NRXN1: variants seen among roughly 807,000 people sequenced by gnomAD.
The protein encoded by NRXN1 is neurexin 1.
Under a neutral mutation model 150.9 loss-of-function variants are expected in NRXN1, and 39 were observed. The observed-to-expected ratio is 0.26, with a 90% CI of 0.20 to 0.34. The LOEUF (loss-of-function observed/expected upper bound fraction) is 0.34. NRXN1 is among the 10% of genes least tolerant of loss of function. NRXN1 has a pLI of 1.00. For missense variants in NRXN1, 1,815 were observed against 1,949.9 expected, an observed-to-expected ratio of 0.93 and a Z score of 1.30; for synonymous variants, 924 against 757.0, an observed-to-expected ratio of 1.22 and a Z score of -3.62.
At chr2:50,896,090 C>A (rs556083777) in intron 5 of NRXN1, among the ~76,000 whole-genome samples, 1 of 152,210 alleles carries the variant, frequency 6.6e-6, no homozygotes, top group South Asian at 2.1e-4. Context: ...AACACAGGCA[C>A]AAGATAGTAG....
chr2:50,325,313 A>T (rs7564489), intron 17 of NRXN1, among the ~76,000 whole-genome samples: 34,508 of 152,152 alleles, frequency 0.23, 4,789 homozygotes, highest in East Asian at 0.49. Flanking sequence ...ATATAAAGCC[A>T]TTCCTATGGA....
chr2:50,270,883 T>A (rs1028315661), intron 17 of NRXN1, among the ~76,000 whole-genome samples: 1 of 152,058 alleles, frequency 6.6e-6, no homozygotes, highest in Non-Finnish European at 1.5e-5. Context: ...GGTGGCGAAC[T>A]CCTAACCTCA....
At chr2:50,476,652 T>A (rs2090013899) in intron 15 of NRXN1, among the ~76,000 whole-genome samples, 1 of 152,140 alleles carries the variant, frequency 6.6e-6, no homozygotes, top group Non-Finnish European at 1.5e-5. Context: ...GTATAGTTTA[T>A]CTCCTGTTTC....
Position 50,804,387 on chromosome 2 carries a change from C to T in NRXN1, c.832+117482G>A, listed in dbSNP as rs535076724. Among the ~76,000 whole-genome samples, 166 of 152,256 alleles carry T rather than the reference C, an allele frequency of 1.1e-3. 1 individual carries two copies. Among genetic ancestry groups the T allele is most frequent in the African/African-American group, 3.9e-3 (161 of 41,562 alleles). ...AAGCATTATCTTGCTTAATTTGCTT[C>T]ATAAAACTATGAAAAACATATTATT... On this transcript the variant is annotated intron_variant, in intron 5 of 22. Transcript: ENST00000401669.
intron 18 of NRXN1, among the ~76,000 whole-genome samples, chr2:50,124,805 A>G (rs1285221454): frequency 2.6e-5 from 4 of 152,140 alleles, no homozygotes; most frequent in African/African-American, 9.7e-5. Flanking sequence ...TGTTTAAAAT[A>G]TATCTTTTCT....
At chr2:50,505,128 C>T (rs187153264) in intron 13 of NRXN1, among the ~76,000 whole-genome samples, 108 of 152,166 alleles carry the variant, frequency 7.1e-4, no homozygotes, top group African/African-American at 2.6e-3. Flanking sequence ...TAATATCATG[C>T]ATTGTCTGAT....
intron 5 of NRXN1, among the ~76,000 whole-genome samples, chr2:50,861,116 G>A (rs1340137804): frequency 6.6e-6 from 1 of 152,064 alleles, no homozygotes; most frequent in Non-Finnish European, 1.5e-5. Flanking sequence ...CAAGTTAGAT[G>A]AGTCCCAAAG....
chr2:50,883,671 T>A (rs950125132), intron 5 of NRXN1, among the ~76,000 whole-genome samples: 5 of 151,820 alleles, frequency 3.3e-5, no homozygotes, highest in African/African-American at 1.2e-4. Flanking sequence ...TAAAAACATA[T>A]AAACATATTT....
intron 21 of NRXN1, among the ~76,000 whole-genome samples, chr2:50,024,568 A>C (rs1688004801): frequency 6.6e-6 from 1 of 152,072 alleles, no homozygotes; most frequent in East Asian, 1.9e-4. Flanking sequence ...TTGAGTGCAG[A>C]GAATCAGGTT....
intron 5 of NRXN1, among the ~76,000 whole-genome samples, chr2:50,744,745 T>C (rs563243277): frequency 3.3e-4 from 50 of 152,252 alleles, no homozygotes; most frequent in Non-Finnish European, 6.6e-4. Context: ...TGTATATTCA[T>C]AATAATAAGA....
chr2:50,005,690 T>A (rs933106715), intron 21 of NRXN1, among the ~76,000 whole-genome samples: 2 of 152,180 alleles, frequency 1.3e-5, no homozygotes, highest in Non-Finnish European at 2.9e-5. Flanking sequence ...ACCTCTTTTA[T>A]AGAGTTTTTA....
chr2:50,745,346 A>C (rs1201412197), intron 5 of NRXN1, among the ~76,000 whole-genome samples: 1 of 136,026 alleles, frequency 7.4e-6, no homozygotes, highest in Non-Finnish European at 1.6e-5. Flanking sequence ...TTTCCTCTAG[A>C]GGTATTACTG....
chr2:50,950,291 T>C (rs1308988890), intron 2 of NRXN1, among the ~76,000 whole-genome samples: 3 of 152,108 alleles, frequency 2.0e-5, no homozygotes, highest in Admixed American at 6.6e-5. Context: ...ACTTTGGAGA[T>C]TGCAATAAAA....
chr2:50,838,254 G>A (rs1041455123), intron 5 of NRXN1, among the ~76,000 whole-genome samples: 4 of 152,136 alleles, frequency 2.6e-5, no homozygotes, highest in African/African-American at 9.7e-5. Flanking sequence ...TGTAAGTCAT[G>A]AAAATCATTC....
At chr2:50,595,192 G>T (rs951837469) in intron 8 of NRXN1, among the ~76,000 whole-genome samples, 1 of 152,016 alleles carries the variant, frequency 6.6e-6, no homozygotes, top group Non-Finnish European at 1.5e-5. Context: ...AGTGTGCTGA[G>T]TATAAGACAC....
chr2:50,250,602 AGTTT>A (rs2066947387), intron 17 of NRXN1, among the ~76,000 whole-genome samples: 1 of 152,090 alleles, frequency 6.6e-6, no homozygotes, highest in South Asian at 2.1e-4. Flanking sequence ...CTAGTATCTT[AGTTT>A]ATTAAAAATT....
At chr2:50,644,895 A>G (rs916044102) in intron 5 of NRXN1, among the ~76,000 whole-genome samples, 2 of 146,114 alleles carry the variant, frequency 1.4e-5, no homozygotes, top group African/African-American at 5.5e-5. Flanking sequence ...TTTCTTTTTC[A>G]AATGCACAGC....
intron 5 of NRXN1, among the ~76,000 whole-genome samples, chr2:50,899,335 G>A (rs1682546231): frequency 6.6e-6 from 1 of 152,114 alleles, no homozygotes; most frequent in South Asian, 2.1e-4. Context: ...CAGAAGGCTT[G>A]GAACATTAAA....
intron 5 of NRXN1, among the ~76,000 whole-genome samples, chr2:50,738,705 T>C (rs1015085089): frequency 1.3e-5 from 2 of 152,152 alleles, no homozygotes; most frequent in Admixed American, 1.3e-4. Context: ...AATAACCACA[T>C]ATTAAAAATA....
Sources: allele counts gnomAD v4.1 joint callset (sites outside exome capture counted in the v4.1 genomes callset), GRCh38; gene constraint gnomAD v4.1.1; transcripts MANE v1.5; gene names NCBI Gene and HGNC (gene_info 2026-07-23, HGNC 2026-07-21).